The following SPACA7 variants were observed in gnomAD, a reference collection of about 807,000 sequenced individuals.
The protein encoded by SPACA7 is sperm acrosome-associated protein 7.
A neutral mutation model predicts 26.3 loss-of-function variants in SPACA7; 19 were observed. The observed-to-expected ratio is 0.72, with a 90% CI of 0.50 to 1.06. The LOEUF (loss-of-function observed/expected upper bound fraction) is 1.06, where lower values mean the gene tolerates loss of function less well. SPACA7 is among the 50% of genes least tolerant of loss of function. The pLI, the probability that SPACA7 is intolerant of heterozygous loss-of-function variation, is 0.00. For missense variants in SPACA7, 211 were observed against 229.9 expected (o/e 0.92, Z 0.53); for synonymous variants, 84 against 84.5 (o/e 0.99, Z 0.04).
chr13:112,386,240 G>A (rs758391364), intron 1 of SPACA7, among the ~76,000 whole-genome samples: 1 of 152,210 alleles, frequency 6.6e-6, no homozygotes, highest in African/African-American at 2.4e-5. Flanking sequence ...CCAAGAGCAT[G>A]CATCTCTGAT....
At chr13:112,414,559 T>C (rs1189472007) in intron 5 of SPACA7, among the ~76,000 whole-genome samples, 1 of 151,892 alleles carries the variant, frequency 6.6e-6, no homozygotes, top group African/African-American at 2.4e-5. Context: ...TACAGGCACA[T>C]GCCACCATGC....
At chr13:112,398,701 A>G (rs1885443800) in intron 3 of SPACA7, among the ~76,000 whole-genome samples, 1 of 152,230 alleles carries the variant, frequency 6.6e-6, no homozygotes, top group African/African-American at 2.4e-5. Flanking sequence ...GAACCAAGAC[A>G]GAGTACTGAA....
chr13:112,406,319 G>C (rs1220584006), intron 5 of SPACA7, among the ~76,000 whole-genome samples: 1 of 152,122 alleles, frequency 6.6e-6, no homozygotes, highest in Non-Finnish European at 1.5e-5. Flanking sequence ...GACTAGTCAG[G>C]TGCCTCATAT....
chr13:112,389,450 T>C (rs1445022334), intron 1 of SPACA7, among the ~76,000 whole-genome samples: 3 of 152,264 alleles, frequency 2.0e-5, no homozygotes, highest in Non-Finnish European at 4.4e-5. Context: ...ACAAACTGTC[T>C]TTATTTAACA....
At position 112,399,123 on chromosome 13, in the gene SPACA7, TA is replaced by T; in HGVS notation, c.300del (p.Glu101ArgfsTer110). ...GGTTCTGAGAATTACCATGAATTATTAGAGAATTTACAATTCTCTCCTGGCA... is the reference window on the plus strand; with the variant it reads ...GGTTCTGAGAATTACCATGAATTATTGAGAATTTACAATTCTCTCCTGGCA... ...AGGSENYHEL[L>X]ENLQFSPGIE... is the part of the protein sequence containing the mutation. On this transcript the variant is annotated frameshift_variant, in exon 4 of 7. Coordinates refer to ENST00000283550, the MANE Select transcript of SPACA7 (RefSeq NM_145248.5). LOFTEE classifies it high-confidence loss of function. 6.2e-7 allele frequency: 1 copy of T among 1,611,240 alleles called. No individual in the cohort carries two copies. Among genetic ancestry groups the T allele is most frequent in the Non-Finnish European group, 8.5e-7 (1 of 1,177,428 alleles).
chr13:112,420,599 T>C (rs1379048726), intron 5 of SPACA7, among the ~76,000 whole-genome samples: 1 of 151,992 alleles, frequency 6.6e-6, no homozygotes, highest in African/African-American at 2.4e-5. Flanking sequence ...TTTCCTCACA[T>C]ACATATCATT....
At chr13:112,390,543 T>C (rs1458540815) in intron 1 of SPACA7, among the ~76,000 whole-genome samples, 1 of 152,210 alleles carries the variant, frequency 6.6e-6, no homozygotes. Context: ...GGGTAATTTA[T>C]GAAGAAAAGA....
At chr13:112,396,403 C>G (rs9604313) in intron 2 of SPACA7, among the ~76,000 whole-genome samples, 45,898 of 151,852 alleles carry the variant, frequency 0.3, 7,854 homozygotes, top group East Asian at 0.61. Flanking sequence ...GCCCTGGGAG[C>G]CCATCTGCCC....
At chr13:112,382,541 G>A in intron 1 of SPACA7, 1 of 1,546,482 alleles carries the variant, frequency 6.5e-7, no homozygotes, top group Non-Finnish European at 8.7e-7. Flanking sequence ...CAACTATCTG[G>A]GCGACACATG....
intron 5 of SPACA7, among the ~76,000 whole-genome samples, chr13:112,408,873 T>C (rs1307789677): frequency 6.6e-6 from 1 of 152,128 alleles, no homozygotes; most frequent in Non-Finnish European, 1.5e-5. Context: ...ACTTTAAAGT[T>C]CATATGGAAC....
chr13:112,404,763 T>C (rs1190340524), intron 5 of SPACA7, among the ~76,000 whole-genome samples: 1 of 152,166 alleles, frequency 6.6e-6, no homozygotes, highest in African/African-American at 2.4e-5. Flanking sequence ...TCTATTCTGT[T>C]CTTTTGGTCT....
chr13:112,414,614 T>C (rs1886571791), intron 5 of SPACA7, among the ~76,000 whole-genome samples: 1 of 152,100 alleles, frequency 6.6e-6, no homozygotes, highest in South Asian at 2.1e-4. Flanking sequence ...TTTCACCATG[T>C]TGGCCAGGCT....
chr13:112,383,166 AAAGAAAGAAAGAAAGAAAG>A (rs1884290548), intron 1 of SPACA7, among the ~76,000 whole-genome samples: 1 of 132,228 alleles, frequency 7.6e-6, no homozygotes, highest in African/African-American at 3.0e-5. Context: ...AGAAAGAAAG[AAAGAAAGAAAGAAAGAAAG>A]AAAGAAAGAA....
intron 1 of SPACA7, among the ~76,000 whole-genome samples, chr13:112,377,917 C>T (rs886750337): frequency 6.6e-5 from 10 of 152,118 alleles, no homozygotes; most frequent in African/African-American, 9.7e-5. Context: ...ACACAGTTTC[C>T]GAATCCAGAG....
chr13:112,434,519 C>A lies in SPACA7; in HGVS notation c.558C>A (p.Ser186Arg). ...NIFHKEQQRT[S>R]AQRRSQGSQ ...TCCATAAAGAGCAGCAGAGGACCAG[C>A]GCACAGAGGAGGAGCCAAGGCAGTC... The change falls in exon 7 of 7, where the codon AGC becomes AGA. Residue 186 changes from serine to arginine, a missense_variant. Ser to Arg is a moderately radical substitution (Grantham distance 110). Coordinates refer to ENST00000283550, the MANE Select transcript of SPACA7 (RefSeq NM_145248.5). 1.2e-6 allele frequency: 2 copies of A among 1,610,378 alleles called. No homozygotes were observed. The highest frequency in any genetic ancestry group is 1.7e-6 in the Non-Finnish European group (2 of 1,178,554).
intron 1 of SPACA7, among the ~76,000 whole-genome samples, chr13:112,383,511 A>G (rs1884341572): frequency 6.6e-6 from 1 of 152,222 alleles, no homozygotes; most frequent in Non-Finnish European, 1.5e-5. Flanking sequence ...TTAGATTTTA[A>G]TGGGCTTTGA....
intron 5 of SPACA7, among the ~76,000 whole-genome samples, chr13:112,406,053 T>C (rs1885968159): frequency 6.6e-6 from 1 of 152,226 alleles, no homozygotes; most frequent in Admixed American, 6.5e-5. Context: ...TTATTTTTAT[T>C]CATTTGCTTT....
intron 5 of SPACA7, among the ~76,000 whole-genome samples, chr13:112,404,391 T>C (rs1885842509): frequency 6.6e-6 from 1 of 152,260 alleles, no homozygotes; most frequent in African/African-American, 2.4e-5. Context: ...TGCTGATTAT[T>C]TCTCTTGCTG....
At chr13:112,414,921 C>T (rs544126711) in intron 5 of SPACA7, among the ~76,000 whole-genome samples, 1 of 152,308 alleles carries the variant, frequency 6.6e-6, no homozygotes, top group Admixed American at 6.5e-5. Flanking sequence ...TTCCAGTCAT[C>T]ACATGGGCTT....
Sources: gnomAD v4.1 joint callset for allele counts (sites outside exome capture counted in the v4.1 genomes callset) on GRCh38, gnomAD v4.1.1 for gene constraint, MANE v1.5 for transcripts, NCBI Gene and HGNC (gene_info 2026-07-23, HGNC 2026-07-21) for gene names.